ANAPC4: variants seen among roughly 807,000 people sequenced by gnomAD.
ANAPC4 encodes anaphase-promoting complex subunit 4.
ANAPC4 carries 63 observed loss-of-function variants against 119.8 expected under a neutral mutation model. The observed-to-expected ratio is 0.53, with a 90% CI of 0.43 to 0.65. The LOEUF (loss-of-function observed/expected upper bound fraction) is 0.65. ANAPC4 is among the 30% of genes least tolerant of loss of function. The pLI is 0.00. For synonymous variants in ANAPC4, 283 were observed against 318.6 expected, an observed-to-expected ratio of 0.89 and a Z score of 1.19; for missense variants, 716 against 945.1, an observed-to-expected ratio of 0.76 and a Z score of 3.18.
chr4:25,382,637 G>A (rs1288920100), intron 3 of ANAPC4, among the ~76,000 whole-genome samples: 1 of 152,186 alleles, frequency 6.6e-6, no homozygotes, highest in Non-Finnish European at 1.5e-5. Context: ...TAAGTAAGAA[G>A]GCTGGGATTG....
At chr4:25,392,784 T>A (rs1032848838) in intron 10 of ANAPC4, among the ~76,000 whole-genome samples, 3 of 152,208 alleles carry the variant, frequency 2.0e-5, no homozygotes, top group African/African-American at 7.2e-5. Context: ...AGGCTCAGCT[T>A]AGCCAAGATG....
chr4:25,416,159 G>A (rs1723859073), intron 26 of ANAPC4: 1 of 271,500 alleles, frequency 3.7e-6, no homozygotes, highest in Non-Finnish European at 6.9e-6. Flanking sequence ...AACCATTGAT[G>A]GCCAGGGGCT....
chr4:25,407,121 A>C, intron 19 of ANAPC4, 76 bp from the exon 20 acceptor site: 1 of 1,268,626 alleles, frequency 7.9e-7, no homozygotes, highest in Non-Finnish European at 1.1e-6. Flanking sequence ...TTGAAAAGGA[A>C]GGTTTTGGGT....
chr4:25,392,566 G>A (rs1577379754), intron 10 of ANAPC4, 145 bp downstream of exon 10: 2 of 585,414 alleles, frequency 3.4e-6, no homozygotes, highest in African/African-American at 1.9e-5. Context: ...GTCCATTAAA[G>A]CAGGAAAAGG....
intron 17 of ANAPC4, 133 bp downstream of exon 17, chr4:25,403,159 C>A: frequency 1.7e-6 from 1 of 575,776 alleles, no homozygotes; most frequent in Non-Finnish European, 2.8e-6. Context: ...CCCTGTTGTA[C>A]CTTTCACCTA....
intron 16 of ANAPC4, among the ~76,000 whole-genome samples, chr4:25,400,203 A>C (rs1241700418): frequency 6.6e-6 from 1 of 152,152 alleles, no homozygotes; most frequent in African/African-American, 2.4e-5. Flanking sequence ...TATCTTGGGA[A>C]GAACTGGAGC....
chr4:25,413,979 CT>C, intron 22 of ANAPC4: 2 of 481,754 alleles, frequency 4.2e-6, no homozygotes, highest in Non-Finnish European at 7.2e-6. Flanking sequence ...GTGTTGGCAT[CT>C]TGAGTATTTT....
intron 16 of ANAPC4, 68 bp downstream of exon 16, chr4:25,396,967 A>G (rs1474238735): frequency 2.1e-6 from 3 of 1,434,802 alleles, no homozygotes; most frequent in Admixed American, 4.3e-5. Context: ...ATAAGAACCT[A>G]GTAAGCTGTT....
intron 16 of ANAPC4, among the ~76,000 whole-genome samples, chr4:25,402,054 G>A (rs1253655819): frequency 2.0e-5 from 3 of 152,162 alleles, no homozygotes; most frequent in East Asian, 1.9e-4. Context: ...TTTGATGTTG[G>A]TCTGGTGGCC....
At chr4:25,414,222 A>AT (rs1011492246) in intron 22 of ANAPC4, 102 bp from the exon 23 acceptor site, 5 of 819,158 alleles carry the variant, frequency 6.1e-6, no homozygotes, top group Middle Eastern at 3.8e-4. Context: ...GATGTAGGCG[A>AT]TTTTTTTACC....
At chr4:25,409,910 C>A in intron 21 of ANAPC4, 119 bp downstream of exon 21, 1 of 647,468 alleles carries the variant, frequency 1.5e-6, no homozygotes, top group Non-Finnish European at 2.7e-6. Flanking sequence ...GTTTATTAGA[C>A]TTATATTTAT....
At chr4:25,394,280 T>C (rs189006331) in intron 11 of ANAPC4, 30 bp from the exon 12 acceptor site, 17 of 1,547,768 alleles carry the variant, frequency 1.1e-5, no homozygotes, top group Middle Eastern at 1.7e-4. Context: ...GAAATACATA[T>C]ATCACAATTT....
chr4:25,401,882 C>G (rs994999211), intron 16 of ANAPC4, among the ~76,000 whole-genome samples: 1 of 152,044 alleles, frequency 6.6e-6, no homozygotes, highest in African/African-American at 2.4e-5. Context: ...TCCTGTATTT[C>G]GAAGTATTTT....
rs1022131227 is a variant in ANAPC4, at chr4:25,395,983, G to T, written c.1062-681G>T. Among the ~76,000 whole-genome samples the T allele has an allele frequency of 5.3e-5, 8 of 152,152 alleles. 1 individual carries two copies. Among genetic ancestry groups the T allele is most frequent in the African/African-American group, 1.9e-4 (8 of 41,432 alleles). ...TGGCCTTTAGCATACCTGCCTCTCT[G>T]CCTCGCCCACACTGATGGCCATTTA... On this transcript the variant is annotated intron_variant, in intron 14 of 28. Coordinates refer to ENST00000315368, the MANE Select transcript of ANAPC4 (RefSeq NM_013367.3).
At chr4:25,401,301 C>T (rs562590811) in intron 16 of ANAPC4, among the ~76,000 whole-genome samples, 56 of 152,242 alleles carry the variant, frequency 3.7e-4, no homozygotes, top group African/African-American at 1.3e-3. Context: ...GTTGGGGCAG[C>T]AGGGAGCAGG....
intron 14 of ANAPC4, among the ~76,000 whole-genome samples, chr4:25,396,073 G>T (rs9654100): frequency 0.43 from 65,678 of 151,992 alleles, 15,784 homozygotes; most frequent in Non-Finnish European, 0.53. Context: ...GTCCCAACTT[G>T]TTCTTCACAT....
In ANAPC4 at chr4:25,388,368, A is replaced by G. The variant is rs571125830; in HGVS notation, c.369-132A>G. 4 of 629,056 alleles carry G rather than the reference A, an allele frequency of 6.4e-6. No individual in the cohort carries two copies. The South Asian group carries it at 8.7e-5, about 14-fold the overall frequency. 39.0% of individuals were successfully genotyped at this position (629,056 alleles called of 1,614,324 possible). A position where few individuals can be genotyped will look rare whatever the true frequency, so the allele number is the denominator to read the frequency against. ...GGACTGTTAAACTGACTACAACTGT[A>G]TAGTATTTGTGTCATCTATTTACTT... On this transcript the variant is annotated intron_variant, in intron 4 of 28. Coordinates refer to ENST00000315368, the MANE Select transcript of ANAPC4 (RefSeq NM_013367.3).
chr4:25,398,504 A>G (rs952367102), intron 16 of ANAPC4, among the ~76,000 whole-genome samples: 1 of 152,150 alleles, frequency 6.6e-6, no homozygotes, highest in African/African-American at 2.4e-5. Context: ...GCTGAAGCAG[A>G]TTGAATGAGA....
chr4:25,394,833 T>G lies in ANAPC4; in HGVS notation c.989T>G (p.Leu330Trp). The part of the protein sequence containing the change: ...LLMNQLTVKG[L>W]KKLGQSIESS... The stretch of plus-strand genomic sequence containing the variant: ...ATATTTTCCTTTTTTAATTAGGGCT[T>G]GAAAAAGCTTGGCCAGTCTATAGAG... Residue 330 changes from leucine (L) to tryptophan (W), a missense_variant, in exon 14 of 29, where the codon TTG (leucine) becomes TGG (tryptophan). By Grantham distance (61) the Leu-to-Trp change is moderately conservative. Coordinates refer to ENST00000315368, the MANE Select transcript of ANAPC4 (RefSeq NM_013367.3). 1 of 1,611,456 alleles carries G rather than the reference T, an allele frequency of 6.2e-7. No individual in the cohort carries two copies. The highest frequency in any genetic ancestry group is 1.1e-5 in the South Asian group (1 of 90,076).
Sources: gnomAD v4.1 joint callset for allele counts (sites outside exome capture counted in the v4.1 genomes callset) on GRCh38, gnomAD v4.1.1 for gene constraint, MANE v1.5 for transcripts, NCBI Gene and HGNC (gene_info 2026-07-23, HGNC 2026-07-21) for gene names.